The following CSMD1 variants were observed in gnomAD, a reference collection of about 807,000 sequenced individuals.
CSMD1 encodes CUB and Sushi multiple domains 1, also known as CUB and sushi domain-containing protein 1.
Under a neutral mutation model 417.5 loss-of-function variants are expected in CSMD1, and 213 were observed. The ratio of observed to expected loss-of-function variants is 0.51; its 90% CI spans 0.46 to 0.57. The LOEUF is 0.57. Ranked by LOEUF, CSMD1 falls within the 20% of genes least tolerant of loss-of-function variation. The pLI, the probability that CSMD1 is intolerant of heterozygous loss-of-function variation, is 0.00. For missense variants in CSMD1, 6,923 were observed against 4,529.7 expected, an observed-to-expected ratio of 1.53 and a Z score of -15.17; for synonymous variants, 2,862 against 1,736.8, an observed-to-expected ratio of 1.65 and a Z score of -16.11.
At chr8:3,693,510 G>C (rs922783765) in intron 7 of CSMD1, among the ~76,000 whole-genome samples, 1 of 152,066 alleles carries the variant, frequency 6.6e-6, no homozygotes, top group East Asian at 1.9e-4. Flanking sequence ...GCCGCCTGGA[G>C]ATTCATTTAT....
intron 1 of CSMD1, among the ~76,000 whole-genome samples, chr8:4,718,308 T>C (rs1295647858): frequency 6.6e-6 from 1 of 152,158 alleles, no homozygotes; most frequent in Non-Finnish European, 1.5e-5. Flanking sequence ...AAAAAACATA[T>C]ATAACGATTT....
intron 3 of CSMD1, among the ~76,000 whole-genome samples, chr8:4,102,466 A>G (rs911947799): frequency 6.6e-6 from 1 of 152,214 alleles, no homozygotes; most frequent in Non-Finnish European, 1.5e-5. Context: ...AGTTTCAGGC[A>G]GATATCAAAT....
chr8:3,137,337 C>T (rs947470707), intron 41 of CSMD1, among the ~76,000 whole-genome samples: 1 of 152,234 alleles, frequency 6.6e-6, no homozygotes, highest in Admixed American at 6.5e-5. Flanking sequence ...AAGCCCTGCA[C>T]AGGTGCTTCC....
intron 3 of CSMD1, among the ~76,000 whole-genome samples, chr8:4,048,080 T>A (rs1798241230): frequency 6.6e-6 from 1 of 152,212 alleles, no homozygotes; most frequent in South Asian, 2.1e-4. Context: ...TGTGCATTCC[T>A]AATTGATAAG....
At chr8:3,214,110 C>G (rs1337302610) in intron 30 of CSMD1, among the ~76,000 whole-genome samples, 4 of 152,038 alleles carry the variant, frequency 2.6e-5, no homozygotes, top group African/African-American at 7.2e-5. Context: ...TCTTGAAGTG[C>G]TGGGATTACA....
intron 1 of CSMD1, among the ~76,000 whole-genome samples, chr8:4,724,522 G>A (rs10087881): frequency 0.13 from 1,378 of 10,548 alleles, 29 homozygotes; most frequent in East Asian, 0.38. Context: ...ATATATATAT[G>A]TGTGTGTGTG....
chr8:4,319,719 G>C (rs1799156415), intron 3 of CSMD1, among the ~76,000 whole-genome samples: 2 of 152,068 alleles, frequency 1.3e-5, no homozygotes, highest in African/African-American at 4.8e-5. Context: ...TTGGATTAGA[G>C]GAAAAAGAAC....
chr8:3,097,678 T>A (rs761679889), intron 46 of CSMD1, among the ~76,000 whole-genome samples: 16 of 152,342 alleles, frequency 1.1e-4, no homozygotes, highest in Non-Finnish European at 1.0e-4. Flanking sequence ...TGTGTTGTTA[T>A]TTCTGGAATT....
intron 23 of CSMD1, among the ~76,000 whole-genome samples, chr8:3,317,382 T>C (rs1198411673): frequency 6.6e-6 from 1 of 152,192 alleles, no homozygotes; most frequent in Non-Finnish European, 1.5e-5. Flanking sequence ...TCGCAATAAT[T>C]ACCCAAGCTA....
chr8:4,744,017 T>C (rs1033919110), intron 1 of CSMD1, among the ~76,000 whole-genome samples: 1 of 152,224 alleles, frequency 6.6e-6, no homozygotes, highest in African/African-American at 2.4e-5. Context: ...AGAGCCTGCA[T>C]CCACGCCAGG....
At chr8:4,952,169 C>G (rs553689892) in intron 1 of CSMD1, among the ~76,000 whole-genome samples, 2 of 151,822 alleles carry the variant, frequency 1.3e-5, no homozygotes, top group Non-Finnish European at 2.9e-5. Flanking sequence ...TCACACACAC[C>G]TCTCCTACAC....
At chr8:3,581,795 G>C (rs925297318) in intron 9 of CSMD1, among the ~76,000 whole-genome samples, 2 of 152,020 alleles carry the variant, frequency 1.3e-5, no homozygotes, top group Non-Finnish European at 2.9e-5. Context: ...CTATGATGCT[G>C]TCTTTTTTTT....
chr8:3,979,585 T>C lies in CSMD1; in HGVS notation c.818+18318A>G, dbSNP rs77076480. ...AAACACCTACAGGAAGATGGGATCA[T>C]GAGGATGCGGCCAACATGATGAGAT... On this transcript the variant is annotated intron_variant, in intron 5 of 69. Coordinates refer to ENST00000635120, the MANE Select transcript of CSMD1 (RefSeq NM_033225.6). Among the ~76,000 whole-genome samples the C allele has an allele frequency of 9.1e-3, 1,381 of 152,276 alleles. 13 individuals are homozygous for C. Among genetic ancestry groups the C allele is most frequent in the Non-Finnish European group, 0.015 (988 of 68,014 alleles).
At chr8:3,362,794 C>T (rs1373616901) in intron 20 of CSMD1, among the ~76,000 whole-genome samples, 1 of 152,098 alleles carries the variant, frequency 6.6e-6, no homozygotes, top group Non-Finnish European at 1.5e-5. Flanking sequence ...TTATATGACA[C>T]CTTCACTTCC....
intron 4 of CSMD1, among the ~76,000 whole-genome samples, chr8:4,024,371 G>C (rs973321631): frequency 6.6e-6 from 1 of 152,162 alleles, no homozygotes; most frequent in Non-Finnish European, 1.5e-5. Context: ...TGGCATAAGA[G>C]TATGGATACG....
intron 5 of CSMD1, among the ~76,000 whole-genome samples, chr8:3,795,078 T>C (rs1198031031): frequency 6.7e-6 from 1 of 148,248 alleles, no homozygotes; most frequent in Non-Finnish European, 1.5e-5. Flanking sequence ...ATCTATCATG[T>C]ACAGCTATAG....
intron 7 of CSMD1, among the ~76,000 whole-genome samples, chr8:3,671,978 G>C (rs1799094865): frequency 6.6e-6 from 1 of 152,064 alleles, no homozygotes; most frequent in African/African-American, 2.4e-5. Flanking sequence ...TCGATATGTT[G>C]CAATACTTAA....
chr8:3,081,885 A>C (rs1814128427), intron 49 of CSMD1, among the ~76,000 whole-genome samples: 1 of 152,200 alleles, frequency 6.6e-6, no homozygotes, highest in South Asian at 2.1e-4. Context: ...TCTTAGCCTC[A>C]GAGTCACTAC....
intron 3 of CSMD1, among the ~76,000 whole-genome samples, chr8:4,069,744 T>A (rs1799447914): frequency 6.6e-6 from 1 of 152,312 alleles, no homozygotes; most frequent in Non-Finnish European, 1.5e-5. Context: ...AGTTTAGGAA[T>A]GCTGTCTACT....
Sources: gnomAD v4.1 joint callset for allele counts (sites outside exome capture counted in the v4.1 genomes callset) on GRCh38, gnomAD v4.1.1 for gene constraint, MANE v1.5 for transcripts, NCBI Gene and HGNC (gene_info 2026-07-23, HGNC 2026-07-21) for gene names.